Variants in FN3K observed in about 807,000 individuals in gnomAD.
The protein encoded by FN3K is fructosamine-3-kinase.
A neutral mutation model predicts 24.8 loss-of-function variants in FN3K; 24 were observed. That is an observed-to-expected ratio of 0.97 (90% CI 0.70 to 1.36). FN3K has a LOEUF of 1.36. Among genes scored for constraint, FN3K ranks in the 40% most tolerant of loss-of-function variants. The pLI is 0.00. For missense variants in FN3K, 449 were observed against 416.7 expected (o/e 1.08, Z -0.67); for synonymous variants, 192 against 175.2 (o/e 1.10, Z -0.76).
chr17:82,746,785 C>G (rs1479131177), intron 4 of FN3K, among the ~76,000 whole-genome samples: 1 of 151,928 alleles, frequency 6.6e-6, no homozygotes, highest in African/African-American at 2.4e-5. Context: ...ACCTGGGCAA[C>G]AAGAACAAAA....
intron 3 of FN3K, 30 bp downstream of exon 3, chr17:82,740,884 G>A (rs1158850273): frequency 6.7e-7 from 1 of 1,492,192 alleles, no homozygotes; most frequent in South Asian, 1.1e-5. Flanking sequence ...GGGTACCCTT[G>A]ATCCAGCCAC....
chr17:82,750,723 TC>T lies in FN3K; in HGVS notation c.900del (p.Leu301TrpfsTer?), dbSNP rs1483468231. The T allele has an allele frequency of 1.2e-6, 2 of 1,613,502 alleles. No homozygotes were observed. The highest frequency in any genetic ancestry group is 1.7e-6 in the Non-Finnish European group (2 of 1,179,928). On this transcript the variant is annotated frameshift_variant, in exon 6 of 6. Transcript: ENST00000300784. LOFTEE classifies it high-confidence loss of function. ...NHFGREYRSP[S>X]LGTMRRLLK is the part of the protein sequence containing the mutation. ...CTTCGGGCGGGAGTACAGGAGCCCTTCCTTGGGCACCATGCGAAGGCTGCTC... is the reference window on the plus strand; with the variant it reads ...CTTCGGGCGGGAGTACAGGAGCCCTTCTTGGGCACCATGCGAAGGCTGCTC...
chr17:82,749,099 A>T, intron 5 of FN3K, 122 bp downstream of exon 5: 103 of 1,285,936 alleles, frequency 8.0e-5, no homozygotes, highest in Non-Finnish European at 1.1e-4. Context: ...AGCACACATC[A>T]GGGAGGAAGG....
intron 4 of FN3K, chr17:82,742,589 C>T: frequency 4.9e-6 from 2 of 411,228 alleles, no homozygotes; most frequent in Non-Finnish European, 4.8e-6. Context: ...CATTCTATGG[C>T]TAGGCCACAC....
In FN3K at chr17:82,738,899, G is replaced by A. The variant is rs1399477916; in HGVS notation, c.293+259G>A. On this transcript the variant is annotated intron_variant, in intron 2 of 5. Coordinates refer to ENST00000300784, the MANE Select transcript of FN3K (RefSeq NM_022158.4). ...TCCTAGATAAGTTTGGCTGTAATGAGGCTGCATAAAATATATATATATACA... is the reference window on the plus strand; with the variant it reads ...TCCTAGATAAGTTTGGCTGTAATGAAGCTGCATAAAATATATATATATACA... 2.6e-5 allele frequency among the ~76,000 whole-genome samples: 3 copies of A among 116,290 alleles called. 1 individual carries two copies. The highest frequency in any genetic ancestry group is 5.3e-5 in the Non-Finnish European group (3 of 56,612). The allele number at this position is 116,290 out of a possible 152,430, so 76.3% of individuals were successfully genotyped here. A position where few individuals can be genotyped will look rare whatever the true frequency, so the allele number is the denominator to read the frequency against.
intron 2 of FN3K, among the ~76,000 whole-genome samples, chr17:82,738,948 T>TACACATATATATATATATATATATA (rs1598340682): frequency 1.1e-4 from 9 of 80,814 alleles, no homozygotes; most frequent in Non-Finnish European, 1.5e-4. Context: ...ATATATATAT[T>TACACATATATATATATATATATATA]TTTTTTTTTT....
At chr17:82,736,870 G>A (rs2046904761) in intron 1 of FN3K, among the ~76,000 whole-genome samples, 1 of 152,224 alleles carries the variant, frequency 6.6e-6, no homozygotes, top group African/African-American at 2.4e-5. Context: ...ACGGGCTCTG[G>A]GAAACTTCCT....
chr17:82,736,678 G>A (rs1221548098), intron 1 of FN3K, among the ~76,000 whole-genome samples: 1 of 152,328 alleles, frequency 6.6e-6, no homozygotes, highest in East Asian at 1.9e-4. Flanking sequence ...ACTCTGGTGG[G>A]GGAGCTCTCT....
At position 82,750,820 on chromosome 17, in the gene FN3K, T is replaced by TCCCTGTC. The variant is rs1405355833; in HGVS notation, c.*68_*69insTGTCCCC. On this transcript the variant is annotated 3_prime_UTR_variant, in exon 6 of 6. Coordinates refer to ENST00000300784, the MANE Select transcript of FN3K (RefSeq NM_022158.4). ...CCGTCTCCCCGTCCCTGTCCCCCCGTCCCCCGTCCCTGTGCCCCCGTCCCT... is the reference window on the plus strand; with the variant it reads ...CCGTCTCCCCGTCCCTGTCCCCCCGTCCCTGTCCCCCCGTCCCTGTGCCCCCGTCCCT... 12 of 1,126,298 alleles carry TCCCTGTC rather than the reference T, an allele frequency of 1.1e-5. No individual in the cohort carries two copies. The African/African-American group carries it at 2.7e-4, about 25-fold the overall frequency. The allele number at this position is 1,126,298 out of a possible 1,614,324, so 69.8% of individuals were successfully genotyped here. A position where few individuals can be genotyped will look rare whatever the true frequency, so the allele number is the denominator to read the frequency against.
At chr17:82,743,542 G>C (rs572863008) in intron 4 of FN3K, among the ~76,000 whole-genome samples, 1 of 152,296 alleles carries the variant, frequency 6.6e-6, no homozygotes, top group Admixed American at 6.5e-5. Flanking sequence ...GCTGAGCGGC[G>C]GGCTCCTCAG....
intron 1 of FN3K, chr17:82,738,148 T>G: frequency 3.8e-6 from 1 of 261,590 alleles, no homozygotes; most frequent in Non-Finnish European, 7.6e-6. Flanking sequence ...GGAAGGTGGG[T>G]AGCCCGGGGG....
At chr17:82,740,733 TTTAA>T (rs746912854) in intron 2 of FN3K, 26 bp from the exon 3 acceptor site, 38 of 1,511,656 alleles carry the variant, frequency 2.5e-5, no homozygotes, top group Non-Finnish European at 3.4e-5. Flanking sequence ...TATTTGTTAT[TTTAA>T]TTAGCTGCAT....
At chr17:82,749,103 A>T in intron 5 of FN3K, 126 bp downstream of exon 5, 46 of 1,327,266 alleles carry the variant, frequency 3.5e-5, no homozygotes, top group African/African-American at 5.8e-5. Flanking sequence ...CACATCAGGG[A>T]GGAAGGGGGG....
intron 3 of FN3K, 169 bp from the exon 4 acceptor site, chr17:82,741,142 G>T: frequency 1.4e-6 from 1 of 716,748 alleles, no homozygotes; most frequent in East Asian, 2.7e-5. Context: ...CTTGAGGTAG[G>T]AGTGTCCTGG....
chr17:82,747,115 G>A (rs1044721827), intron 4 of FN3K, among the ~76,000 whole-genome samples: 10 of 152,030 alleles, frequency 6.6e-5, no homozygotes, highest in African/African-American at 2.2e-4. Flanking sequence ...GAGCCACCGC[G>A]CCTGGCCTCT....
At chr17:82,745,773 CAT>C (rs1247024230) in intron 4 of FN3K, 1 of 152,118 alleles carries the variant, frequency 6.6e-6, no homozygotes, top group East Asian at 1.9e-4. Flanking sequence ...ATGACTGTGT[CAT>C]ATGGTAGGTC....
At chr17:82,739,464 T>C (rs2046928332) in intron 2 of FN3K, among the ~76,000 whole-genome samples, 1 of 149,604 alleles carries the variant, frequency 6.7e-6, no homozygotes, top group Non-Finnish European at 1.5e-5. Context: ...TATTTTTTTT[T>C]TTTTTTTTTT....
rs77714201 is a variant in FN3K, at chr17:82,744,573, G to A, written c.468+3180G>A. On this transcript the variant is annotated intron_variant, in intron 4 of 5. Transcript: ENST00000300784. Reference sequence around the variant, plus strand: ...CCCTCCACACCTGTGGGTGTTTCTCGTTAGGTAGAACGAGAGACTTGGAAA... The same window carrying A: ...CCCTCCACACCTGTGGGTGTTTCTCATTAGGTAGAACGAGAGACTTGGAAA... Among the ~76,000 whole-genome samples, 25 of 151,976 alleles carry A rather than the reference G, an allele frequency of 1.6e-4. No individual in the cohort carries two copies. The East Asian group carries it at 4.3e-3, about 26-fold the overall frequency.
chr17:82,739,379 C>G (rs1321925836), intron 2 of FN3K, among the ~76,000 whole-genome samples: 1 of 152,048 alleles, frequency 6.6e-6, no homozygotes, highest in Non-Finnish European at 1.5e-5. Context: ...AACTCCGCCT[C>G]CTGGGTTCAA....
Sources: gnomAD v4.1 joint callset for allele counts (sites outside exome capture counted in the v4.1 genomes callset) on GRCh38, gnomAD v4.1.1 for gene constraint, MANE v1.5 for transcripts, NCBI Gene and HGNC (gene_info 2026-07-23, HGNC 2026-07-21) for gene names.